GMCL1: variants seen among roughly 807,000 people sequenced by gnomAD.
GMCL1 encodes the protein germ cell-less 1, spermatogenesis associated, also known as germ cell-less protein-like 1.
A neutral mutation model predicts 75.5 loss-of-function variants in GMCL1; 54 were observed. The ratio of observed to expected loss-of-function variants is 0.71; its 90% CI spans 0.57 to 0.90. The LOEUF (loss-of-function observed/expected upper bound fraction) is 0.90, where lower values mean the gene tolerates loss of function less well. GMCL1 is among the 40% of genes least tolerant of loss of function. GMCL1 has a pLI of 0.00. For synonymous variants in GMCL1, 210 were observed against 209.6 expected (o/e 1.00, Z -0.02); for missense variants, 537 against 622.7 (o/e 0.86, Z 1.47).
Position 69,879,798 on chromosome 2 carries a change from A to G in GMCL1, c.*794A>G, listed in dbSNP as rs1440182790. On this transcript the variant is annotated 3_prime_UTR_variant, in exon 14 of 14. Transcript: ENST00000282570. Reference sequence around the variant, plus strand: ...TTTCTTTGACAGTCTGTACACCTTTATTATTAGGTTTTGAATTATTTATGT... The same window carrying G: ...TTTCTTTGACAGTCTGTACACCTTTGTTATTAGGTTTTGAATTATTTATGT... The G allele has an allele frequency of 1.3e-5, 2 of 152,194 alleles. No individual in the cohort carries two copies. The highest frequency in any genetic ancestry group is 2.9e-5 in the Non-Finnish European group (2 of 67,978). 9.4% of individuals were successfully genotyped at this position (152,194 alleles called of 1,614,324 possible).
chr2:69,874,950 G>C (rs565754673), intron 13 of GMCL1, among the ~76,000 whole-genome samples: 1 of 151,502 alleles, frequency 6.6e-6, no homozygotes, highest in African/African-American at 2.4e-5. Context: ...TTGCCACGTT[G>C]CCTGGGCTTG....
Position 69,833,259 on chromosome 2 carries a change from G to A in GMCL1, c.260+3107G>A, listed in dbSNP as rs529639873. Among the ~76,000 whole-genome samples, 3 of 152,338 alleles carry A rather than the reference G, an allele frequency of 2.0e-5. No individual in the cohort carries two copies. The East Asian group carries it at 5.8e-4, about 29-fold the overall frequency. The stretch of plus-strand genomic sequence containing the variant: ...CGGAAAATGCATATCAGAATTTAGT[G>A]TCTGTATATTACTGGAAGATGCTTG... On this transcript the variant is annotated intron_variant, in intron 1 of 13. Coordinates refer to ENST00000282570, the MANE Select transcript of GMCL1 (RefSeq NM_178439.5).
At chr2:69,840,873 T>C in intron 3 of GMCL1, 69 bp from the exon 4 acceptor site, 1 of 1,017,780 alleles carries the variant, frequency 9.8e-7, no homozygotes, top group South Asian at 1.5e-5. Context: ...ACAGTCGTTG[T>C]TGTTATTTGT....
At chr2:69,854,790 G>A (rs1265461192) in intron 8 of GMCL1, 33 bp from the exon 9 acceptor site, 1 of 1,584,514 alleles carries the variant, frequency 6.3e-7, no homozygotes, top group African/African-American at 1.4e-5. Flanking sequence ...GGTTTGAAAA[G>A]AATGGCTGTT....
intron 12 of GMCL1, 137 bp downstream of exon 12, chr2:69,870,001 C>T (rs1675941913): frequency 2.6e-6 from 2 of 775,432 alleles, no homozygotes; most frequent in East Asian, 2.8e-5. Flanking sequence ...AATGACGAGG[C>T]TCCATTCCTG....
At chr2:69,839,203 G>A (rs1278591243) in intron 2 of GMCL1, among the ~76,000 whole-genome samples, 1 of 152,190 alleles carries the variant, frequency 6.6e-6, no homozygotes, top group East Asian at 1.9e-4. Flanking sequence ...ATTCAATTTA[G>A]ATAGTAATAT....
intron 7 of GMCL1, among the ~76,000 whole-genome samples, chr2:69,848,956 C>T (rs1401186191): frequency 6.6e-6 from 1 of 152,068 alleles, no homozygotes; most frequent in Non-Finnish European, 1.5e-5. Context: ...CTCCTTTTTC[C>T]CATGTTCATT....
chr2:69,840,351 A>G (rs898149550), intron 3 of GMCL1, among the ~76,000 whole-genome samples: 2 of 151,938 alleles, frequency 1.3e-5, no homozygotes, highest in Admixed American at 6.6e-5. Flanking sequence ...CAGAGCTTGC[A>G]GTGAGCCGAG....
intron 10 of GMCL1, among the ~76,000 whole-genome samples, chr2:69,862,547 G>A (rs1463645583): frequency 6.6e-6 from 1 of 152,062 alleles, no homozygotes; most frequent in Non-Finnish European, 1.5e-5. Context: ...ATCACCTGAG[G>A]TCAGGAGTTC....
chr2:69,849,628 CTTAT>C lies in GMCL1; in HGVS notation c.844-20_844-17del. ...AATGATGAAATTTCATAATTGTTTT[CTTAT>C]TTAATTTTTTTTAACTTAGTGGATG... On this transcript the variant is annotated intron_variant, in intron 7 of 13. Coordinates refer to ENST00000282570, the MANE Select transcript of GMCL1 (RefSeq NM_178439.5). 7.3e-7 allele frequency: 1 copy of C among 1,361,158 alleles called. No homozygotes were observed. 84.3% of individuals were successfully genotyped at this position (1,361,158 alleles called of 1,614,324 possible). A position where few individuals can be genotyped will look rare whatever the true frequency, so the allele number is the denominator to read the frequency against.
chr2:69,846,384 T>C (rs1038099108), intron 6 of GMCL1, among the ~76,000 whole-genome samples: 2 of 152,184 alleles, frequency 1.3e-5, no homozygotes, highest in African/African-American at 4.8e-5. Context: ...TTGCATAACA[T>C]TTACATTGTA....
Position 69,830,139 on chromosome 2 carries a change from A to G in GMCL1, c.247A>G (p.Asn83Asp), listed in dbSNP as rs1157516502. ...EEGDEQQRLL[N>D]TPRRKKLKST... ...GGGGGACGAGCAGCAGCGGCTCCTCAACACCCCTCGAAGGTACGTGGGGGC... is the reference window on the plus strand; with the variant it reads ...GGGGGACGAGCAGCAGCGGCTCCTCGACACCCCTCGAAGGTACGTGGGGGC... Residue 83 changes from asparagine to aspartate, a missense_variant, in exon 1 of 14, where the codon AAC becomes GAC. Asn to Asp is a conservative substitution (Grantham distance 23). This residue lies in a region of GMCL1 where 144 missense variants were observed against 127.2 expected (regional missense o/e 1.13). Transcript: ENST00000282570. 4.5e-6 allele frequency: 7 copies of G among 1,566,856 alleles called. No individual in the cohort carries two copies. The highest frequency in any genetic ancestry group is 6.1e-6 in the Non-Finnish European group (7 of 1,155,608).
chr2:69,843,571 T>C (rs1432906565), intron 5 of GMCL1, among the ~76,000 whole-genome samples: 1 of 152,114 alleles, frequency 6.6e-6, no homozygotes, highest in African/African-American at 2.4e-5. Flanking sequence ...GAAAGATCAC[T>C]TGGGCCCAGG....
rs145201810 is a variant in GMCL1, at chr2:69,832,155, G to A, written c.260+2003G>A. Among the ~76,000 whole-genome samples, 684 of 152,062 alleles carry A rather than the reference G, an allele frequency of 4.5e-3. 7 individuals are homozygous for A. The highest frequency in any genetic ancestry group is 0.014 in the African/African-American group (588 of 41,440). ...AGAATGGCTTGAACCTGGGAGGCGA[G>A]GTTGCAGTGAGCCAAGATCGCACAA... On this transcript the variant is annotated intron_variant, in intron 1 of 13. Transcript: ENST00000282570.
chr2:69,864,967 G>A lies in GMCL1; in HGVS notation c.1210G>A (p.Asp404Asn), dbSNP rs1675766901. 3.7e-6 allele frequency: 6 copies of A among 1,612,184 alleles called. No individual in the cohort carries two copies. The East Asian group carries it at 1.3e-4, about 36-fold the overall frequency. ...SMRCGRKLAK[D>N]GEYCWRWTGF... Reference sequence around the variant, plus strand: ...GAGGTGTGGTAGAAAGCTTGCCAAAGATGGTGAAGTAAGTATGGGTTGTGA... The same window carrying A: ...GAGGTGTGGTAGAAAGCTTGCCAAAAATGGTGAAGTAAGTATGGGTTGTGA... The change falls in exon 11 of 14, where the codon GAT (aspartate) becomes AAT (asparagine). Residue 404 changes from aspartate (D) to asparagine (N), a missense_variant. This residue lies in a region of GMCL1 where 345 missense variants were observed against 410.5 expected (regional missense o/e 0.84). Transcript: ENST00000282570.
chr2:69,857,289 C>A (rs1675501560), intron 9 of GMCL1, among the ~76,000 whole-genome samples: 1 of 152,188 alleles, frequency 6.6e-6, no homozygotes, highest in East Asian at 1.9e-4. Flanking sequence ...TGGCAAAATC[C>A]TAGAACTAAA....
At chr2:69,852,990 T>G (rs1374636290) in intron 8 of GMCL1, among the ~76,000 whole-genome samples, 1 of 152,258 alleles carries the variant, frequency 6.6e-6, no homozygotes, top group Non-Finnish European at 1.5e-5. Flanking sequence ...GGAATAAGTA[T>G]GGCCACATGT....
intron 9 of GMCL1, among the ~76,000 whole-genome samples, 166 bp downstream of exon 9, chr2:69,855,126 ACATAT>A (rs1675433793): frequency 1.3e-5 from 2 of 152,276 alleles, no homozygotes; most frequent in South Asian, 4.1e-4. Context: ...TTCTGTGCTT[ACATAT>A]CATGAGTATT....
In GMCL1 at chr2:69,880,532, T is replaced by C. The variant is rs372769565; in HGVS notation, c.*1528T>C. The C allele has an allele frequency of 6.6e-6, 1 of 152,300 alleles. No homozygotes were observed. Among genetic ancestry groups the C allele is most frequent in the Admixed American group, 6.5e-5 (1 of 15,284 alleles). The allele number at this position is 152,300 out of a possible 1,614,324, so 9.4% of individuals were successfully genotyped here. On this transcript the variant is annotated 3_prime_UTR_variant, in exon 14 of 14. Transcript: ENST00000282570. Reference sequence around the variant, plus strand: ...TTCTAATACAGTGATTTGGCTGTTATCAAGAGGTTACATTTCAGCTGGGTG... The same window carrying C: ...TTCTAATACAGTGATTTGGCTGTTACCAAGAGGTTACATTTCAGCTGGGTG...
Sources: allele counts gnomAD v4.1 joint callset (sites outside exome capture counted in the v4.1 genomes callset), GRCh38; gene constraint gnomAD v4.1.1; regional missense constraint gnomAD v4.1.1; transcripts MANE v1.5; gene names NCBI Gene and HGNC (gene_info 2026-07-23, HGNC 2026-07-21).